BNC2: variants seen among roughly 807,000 people sequenced by gnomAD.
BNC2 encodes zinc finger protein basonuclin-2.
BNC2 carries 20 observed loss-of-function variants against 76.3 expected under a neutral mutation model. That is an observed-to-expected ratio of 0.26 (90% CI 0.18 to 0.38). The LOEUF (loss-of-function observed/expected upper bound fraction) is 0.38, where lower values mean the gene tolerates loss of function less well. Among genes scored for constraint, BNC2 ranks in the 10% least tolerant of loss-of-function variants. The probability of loss-of-function intolerance (pLI) is 1.00; values close to 1 mark genes in which losing one functional copy is unlikely to be tolerated. For synonymous variants in BNC2, 582 were observed against 514.8 expected, an observed-to-expected ratio of 1.13 and a Z score of -1.77; for missense variants, 1,382 against 1,399.8, an observed-to-expected ratio of 0.99 and a Z score of 0.20.
At chr9:16,701,682 C>A (rs10962545) in intron 3 of BNC2, among the ~76,000 whole-genome samples, 17,338 of 152,092 alleles carry the variant, frequency 0.11, 1,226 homozygotes, top group South Asian at 0.25. Flanking sequence ...TGGCTCACAC[C>A]TGTAATCCCA....
chr9:16,697,146 G>A (rs1289531655), intron 3 of BNC2, among the ~76,000 whole-genome samples: 1 of 149,490 alleles, frequency 6.7e-6, no homozygotes, highest in Non-Finnish European at 1.5e-5. Flanking sequence ...GGATCACGAG[G>A]TCAGGATTTC....
intron 3 of BNC2, among the ~76,000 whole-genome samples, chr9:16,668,632 C>G (rs1822376147): frequency 6.6e-6 from 1 of 152,176 alleles, no homozygotes. Flanking sequence ...AATTTACTTT[C>G]TGATTTTGAT....
intron 3 of BNC2, among the ~76,000 whole-genome samples, chr9:16,634,458 C>A (rs1821256098): frequency 6.6e-6 from 1 of 151,704 alleles, no homozygotes; most frequent in Non-Finnish European, 1.5e-5. Context: ...TTAAGAGTAA[C>A]CTCTTAGTCA....
chr9:16,648,616 A>G (rs1213647937), intron 3 of BNC2, among the ~76,000 whole-genome samples: 1 of 152,234 alleles, frequency 6.6e-6, no homozygotes. Flanking sequence ...GTTTAATAAC[A>G]TAATTTTGCT....
intron 1 of BNC2, among the ~76,000 whole-genome samples, chr9:16,746,386 C>A (rs977413640): frequency 6.6e-6 from 1 of 151,880 alleles, no homozygotes; most frequent in African/African-American, 2.4e-5. Context: ...CTTTTTGAGA[C>A]AGGGTCTTGC....
chr9:16,690,129 G>A (rs1713226686), intron 3 of BNC2, among the ~76,000 whole-genome samples: 1 of 152,098 alleles, frequency 6.6e-6, no homozygotes, highest in Admixed American at 6.6e-5. Context: ...GACTCAGAAG[G>A]ACCAAGAATA....
chr9:16,572,495 C>T (rs1819353524), intron 4 of BNC2, among the ~76,000 whole-genome samples: 1 of 151,970 alleles, frequency 6.6e-6, no homozygotes, highest in Non-Finnish European at 1.5e-5. Context: ...TTCCATGCAC[C>T]ACATGAGATG....
chr9:16,661,960 G>C (rs1275180506), intron 3 of BNC2, among the ~76,000 whole-genome samples: 2 of 152,202 alleles, frequency 1.3e-5, no homozygotes, highest in Non-Finnish European at 2.9e-5. Context: ...AGCTTTAAGT[G>C]TGTAGAAAAC....
In BNC2 at chr9:16,437,543, AAAC is replaced by A; in HGVS notation, c.670-22_670-20del. The A allele has an allele frequency of 6.2e-7, 1 of 1,608,790 alleles. No individual in the cohort carries two copies. The highest frequency in any genetic ancestry group is 1.1e-5 in the South Asian group (1 of 91,030). ...CAGCATCCTAGAGGCCACATCAAAG[AAAC>A]AACAAAGACAAACACAAAAACTTAT... On this transcript the variant is annotated intron_variant, in intron 5 of 6. Coordinates refer to ENST00000380672, the MANE Select transcript of BNC2 (RefSeq NM_017637.6).
chr9:16,615,614 C>T (rs1229359102), intron 3 of BNC2, among the ~76,000 whole-genome samples: 1 of 152,132 alleles, frequency 6.6e-6, no homozygotes, highest in East Asian at 1.9e-4. Flanking sequence ...CCAGGACTGT[C>T]CATTCTTCAT....
intron 5 of BNC2, among the ~76,000 whole-genome samples, chr9:16,487,976 T>A (rs1420244850): frequency 1.3e-5 from 2 of 152,214 alleles, no homozygotes; most frequent in Non-Finnish European, 2.9e-5. Context: ...CGGAAAATAT[T>A]CAGCCATCAG....
At chr9:16,579,804 G>C in intron 4 of BNC2, 1 of 263,588 alleles carries the variant, frequency 3.8e-6, no homozygotes, top group Non-Finnish European at 7.1e-6. Flanking sequence ...TGTTAACAAG[G>C]ATAATTTATT....
At chr9:16,579,112 G>T (rs1425711162) in intron 4 of BNC2, among the ~76,000 whole-genome samples, 1 of 152,058 alleles carries the variant, frequency 6.6e-6, no homozygotes, top group East Asian at 1.9e-4. Flanking sequence ...TTAATTTAGT[G>T]GGAAATACCT....
Position 16,830,142 on chromosome 9 carries a change from C to T in BNC2, c.3+40504G>A, listed in dbSNP as rs79704325. Among the ~76,000 whole-genome samples, 766 of 152,266 alleles carry T rather than the reference C, an allele frequency of 5.0e-3. 5 individuals carry two copies. The highest frequency in any genetic ancestry group is 0.017 in the African/African-American group (693 of 41,542). ...ATTCCATATTTTCTTTCAAAAACTC[C>T]ACACAATTATATTTCAATAAAATAT... On this transcript the variant is annotated intron_variant, in intron 1 of 6. Coordinates refer to ENST00000380672, the MANE Select transcript of BNC2 (RefSeq NM_017637.6).
At chr9:16,498,711 A>C (rs1822453029) in intron 5 of BNC2, among the ~76,000 whole-genome samples, 1 of 151,970 alleles carries the variant, frequency 6.6e-6, no homozygotes, top group Admixed American at 6.6e-5. Context: ...AAGACCCCCA[A>C]AAAATTATAT....
At chr9:16,576,773 C>G (rs1404685480) in intron 4 of BNC2, among the ~76,000 whole-genome samples, 1 of 152,226 alleles carries the variant, frequency 6.6e-6, no homozygotes, top group Non-Finnish European at 1.5e-5. Context: ...GAGTCTCGCT[C>G]TGTCGCCATG....
chr9:16,720,866 T>TG (rs1319617782), intron 3 of BNC2, among the ~76,000 whole-genome samples: 1 of 152,164 alleles, frequency 6.6e-6, no homozygotes, highest in African/African-American at 2.4e-5. Flanking sequence ...TGGCATGAAA[T>TG]GCTACATACA....
chr9:16,669,180 A>G (rs1822397607), intron 3 of BNC2, among the ~76,000 whole-genome samples: 1 of 152,212 alleles, frequency 6.6e-6, no homozygotes, highest in African/African-American at 2.4e-5. Context: ...GTACGTATTG[A>G]TTGGAGCCTG....
intron 3 of BNC2, among the ~76,000 whole-genome samples, chr9:16,584,884 T>G (rs990470529): frequency 6.6e-6 from 1 of 152,070 alleles, no homozygotes; most frequent in African/African-American, 2.4e-5. Flanking sequence ...ATTATCTAAT[T>G]ATAAATTCAG....
Sources: gnomAD v4.1 joint callset for allele counts (sites outside exome capture counted in the v4.1 genomes callset) on GRCh38, gnomAD v4.1.1 for gene constraint, MANE v1.5 for transcripts, NCBI Gene and HGNC (gene_info 2026-07-23, HGNC 2026-07-21) for gene names.